Variants in FER observed in about 807,000 individuals in gnomAD.
FER encodes the protein FER tyrosine kinase, also known as tyrosine-protein kinase Fer.
Under a neutral mutation model 111.0 loss-of-function variants are expected in FER, and 63 were observed. The ratio of observed to expected loss-of-function variants is 0.57; its 90% CI spans 0.46 to 0.70. The LOEUF (loss-of-function observed/expected upper bound fraction) is 0.70. Among genes scored for constraint, FER ranks in the 30% least tolerant of loss-of-function variants. FER has a pLI of 0.00. For synonymous variants in FER, 327 were observed against 313.9 expected, an observed-to-expected ratio of 1.04 and a Z score of -0.44; for missense variants, 914 against 954.0, an observed-to-expected ratio of 0.96 and a Z score of 0.55.
chr5:108,761,079 C>T (rs949432599), intron 1 of FER, among the ~76,000 whole-genome samples: 1 of 151,984 alleles, frequency 6.6e-6, no homozygotes, highest in East Asian at 2.0e-4. Flanking sequence ...TACAGGTGCC[C>T]GCCACCACGC....
At chr5:109,032,789 A>C (rs182735404) in intron 13 of FER, among the ~76,000 whole-genome samples, 2 of 152,344 alleles carry the variant, frequency 1.3e-5, no homozygotes, top group East Asian at 3.8e-4. Flanking sequence ...TGCATAATTT[A>C]TATCTCCAGA....
intron 3 of FER, among the ~76,000 whole-genome samples, chr5:108,801,431 G>A (rs1021983232): frequency 6.6e-6 from 1 of 152,220 alleles, no homozygotes; most frequent in African/African-American, 2.4e-5. Flanking sequence ...GTAGTGTACA[G>A]TAGTCATCCC....
chr5:109,150,415 G>A (rs1450365068), intron 17 of FER, among the ~76,000 whole-genome samples: 1 of 151,968 alleles, frequency 6.6e-6, no homozygotes, highest in Non-Finnish European at 1.5e-5. Flanking sequence ...TCCTTAGCAA[G>A]CCCCATTTCT....
chr5:108,989,541 A>G (rs6872912), intron 13 of FER, among the ~76,000 whole-genome samples: 10,900 of 152,056 alleles, frequency 0.072, 971 homozygotes, highest in African/African-American at 0.21. Flanking sequence ...GTCATTTAGC[A>G]TATTCCTTTC....
intron 10 of FER, among the ~76,000 whole-genome samples, chr5:108,922,722 G>T (rs559218394): frequency 6.6e-6 from 1 of 152,010 alleles, no homozygotes; most frequent in Non-Finnish European, 1.5e-5. Context: ...TTCAAATTAT[G>T]GTTACAGTTA....
chr5:108,888,573 G>A (rs563370041), intron 9 of FER, among the ~76,000 whole-genome samples: 2 of 151,778 alleles, frequency 1.3e-5, no homozygotes, highest in Admixed American at 6.6e-5. Flanking sequence ...AAGCTTCCAC[G>A]TTTTAAATTT....
chr5:108,838,274 G>T (rs185663428), intron 5 of FER, among the ~76,000 whole-genome samples: 1 of 152,070 alleles, frequency 6.6e-6, no homozygotes, highest in African/African-American at 2.4e-5. Context: ...GCCAGATTAG[G>T]ACACTTTTGG....
chr5:109,170,438 A>G (rs1756990574), intron 17 of FER, among the ~76,000 whole-genome samples: 1 of 152,184 alleles, frequency 6.6e-6, no homozygotes, highest in South Asian at 2.1e-4. Context: ...AAAACAAAGA[A>G]CTAGAGCTTT....
At chr5:109,170,014 CTA>C (rs895263962) in intron 17 of FER, among the ~76,000 whole-genome samples, 5 of 152,264 alleles carry the variant, frequency 3.3e-5, no homozygotes, top group South Asian at 2.1e-4. Context: ...ATTTTGCAGA[CTA>C]TAAAAATTTA....
chr5:109,124,775 G>A (rs911223951), intron 17 of FER, among the ~76,000 whole-genome samples: 4 of 151,818 alleles, frequency 2.6e-5, no homozygotes, highest in Admixed American at 6.6e-5. Flanking sequence ...GGCCGGGCGC[G>A]GTGGCTCACG....
intron 16 of FER, among the ~76,000 whole-genome samples, chr5:109,056,539 G>C (rs902942548): frequency 2.0e-5 from 3 of 152,122 alleles, no homozygotes; most frequent in African/African-American, 7.2e-5. Context: ...GATAGAGAAT[G>C]AAACGGGTCA....
At chr5:109,046,118 CA>C (rs1196916048) in intron 15 of FER, among the ~76,000 whole-genome samples, 1 of 151,994 alleles carries the variant, frequency 6.6e-6, no homozygotes, top group Non-Finnish European at 1.5e-5. Context: ...TGCCTTTATC[CA>C]AACAAAGTCT....
chr5:109,060,053 C>T (rs1051931624), intron 16 of FER, among the ~76,000 whole-genome samples: 1 of 152,072 alleles, frequency 6.6e-6, no homozygotes, highest in Non-Finnish European at 1.5e-5. Context: ...AAAACTATCC[C>T]AAGTGAAGTC....
At chr5:109,022,788 A>C (rs777302644) in intron 13 of FER, among the ~76,000 whole-genome samples, 1 of 152,136 alleles carries the variant, frequency 6.6e-6, no homozygotes, top group East Asian at 1.9e-4. Flanking sequence ...ATACAAATGT[A>C]TAGAGGATCA....
Position 108,829,039 on chromosome 5 carries a change from C to T in FER, c.208-3731C>T, listed in dbSNP as rs77666134. Reference sequence around the variant, plus strand: ...TGTAACCAAAGAGCTATATCTGCAACGTGCTATATTCCAGTTTTACTGTAA... The same window carrying T: ...TGTAACCAAAGAGCTATATCTGCAATGTGCTATATTCCAGTTTTACTGTAA... On this transcript the variant is annotated intron_variant, in intron 3 of 19. Transcript: ENST00000281092. Among the ~76,000 whole-genome samples the T allele has an allele frequency of 6.3e-3, 952 of 152,320 alleles. 6 individuals carry two copies. The highest frequency in any genetic ancestry group is 0.011 in the Non-Finnish European group (774 of 68,034).
chr5:109,093,792 C>G (rs570462884), intron 16 of FER, among the ~76,000 whole-genome samples: 1 of 152,028 alleles, frequency 6.6e-6, no homozygotes, highest in South Asian at 2.1e-4. Context: ...AGATAGGTAT[C>G]AAAATGTAGT....
At chr5:108,900,908 T>A (rs1749917178) in intron 10 of FER, among the ~76,000 whole-genome samples, 1 of 152,220 alleles carries the variant, frequency 6.6e-6, no homozygotes, top group African/African-American at 2.4e-5. Flanking sequence ...TTGTTACAGT[T>A]TAAACGTTTG....
chr5:108,911,075 TA>T (rs1287309951), intron 10 of FER, among the ~76,000 whole-genome samples: 4 of 152,182 alleles, frequency 2.6e-5, no homozygotes, highest in Non-Finnish European at 5.9e-5. Context: ...TTAACTAATT[TA>T]CATTCCCACC....
At chr5:109,060,753 A>C (rs1244923889) in intron 16 of FER, among the ~76,000 whole-genome samples, 1 of 136,530 alleles carries the variant, frequency 7.3e-6, no homozygotes, top group Non-Finnish European at 1.6e-5. Flanking sequence ...GTGTGTGCGT[A>C]TGTGTGGTGT....
Sources: allele counts gnomAD v4.1 joint callset (sites outside exome capture counted in the v4.1 genomes callset), GRCh38; gene constraint gnomAD v4.1.1; transcripts MANE v1.5; gene names NCBI Gene and HGNC (gene_info 2026-07-23, HGNC 2026-07-21).